HIP1: variants seen among roughly 807,000 people sequenced by gnomAD.
HIP1 encodes huntingtin-interacting protein 1.
In HIP1, 65 loss-of-function variants were observed where a neutral mutation model predicts 147.6. The ratio of observed to expected loss-of-function variants is 0.44; its 90% CI spans 0.36 to 0.54. The LOEUF is 0.54. Ranked by LOEUF, HIP1 falls within the 20% of genes least tolerant of loss-of-function variation. The pLI is 0.00. For synonymous variants in HIP1, 479 were observed against 504.0 expected, an observed-to-expected ratio of 0.95 and a Z score of 0.67; for missense variants, 1,061 against 1,299.6, an observed-to-expected ratio of 0.82 and a Z score of 2.82.
chr7:75,609,598 G>A (rs1238774297), intron 1 of HIP1, among the ~76,000 whole-genome samples: 1 of 148,826 alleles, frequency 6.7e-6, no homozygotes, highest in East Asian at 2.0e-4. Flanking sequence ...TTGCCCTGTC[G>A]CCAGGCTGCA....
chr7:75,539,242 G>T, intron 30 of HIP1, 81 bp downstream of exon 30: 1 of 983,912 alleles, frequency 1.0e-6, no homozygotes. Context: ...TCCTTGTTCT[G>T]TTCCATTCTA....
chr7:75,654,009 A>G (rs533312067), intron 1 of HIP1, among the ~76,000 whole-genome samples: 2 of 152,308 alleles, frequency 1.3e-5, no homozygotes, highest in East Asian at 3.9e-4. Context: ...TAGCAAAGGC[A>G]CTTACAGCCA....
intron 1 of HIP1, among the ~76,000 whole-genome samples, chr7:75,685,473 A>G (rs1031441729): frequency 1.3e-5 from 2 of 152,162 alleles, no homozygotes; most frequent in African/African-American, 4.8e-5. Context: ...GTCTTTGCCC[A>G]CTTTTCCACT....
chr7:75,605,365 G>T (rs185406804), intron 1 of HIP1, among the ~76,000 whole-genome samples: 1 of 152,308 alleles, frequency 6.6e-6, no homozygotes, highest in East Asian at 1.9e-4. Flanking sequence ...GGCCGGGGGG[G>T]ATGGAGGAGA....
intron 1 of HIP1, among the ~76,000 whole-genome samples, chr7:75,710,652 C>A (rs150193882): frequency 1.2e-4 from 18 of 152,188 alleles, no homozygotes; most frequent in African/African-American, 4.3e-4. Flanking sequence ...ACTTGGGAGG[C>A]TTAAGTGGGA....
chr7:75,736,040 G>A (rs1372157416), intron 1 of HIP1, among the ~76,000 whole-genome samples: 1 of 151,280 alleles, frequency 6.6e-6, no homozygotes, highest in Non-Finnish European at 1.5e-5. Flanking sequence ...GACCAGCCTG[G>A]GAAAACACAG....
chr7:75,569,549 C>G (rs1795531897), intron 8 of HIP1, among the ~76,000 whole-genome samples: 1 of 152,106 alleles, frequency 6.6e-6, no homozygotes, highest in African/African-American at 2.4e-5. Context: ...TTTGAGGCTG[C>G]AGTGAGCTAC....
chr7:75,721,329 G>A (rs1426221752), intron 1 of HIP1, among the ~76,000 whole-genome samples: 1 of 151,934 alleles, frequency 6.6e-6, no homozygotes, highest in African/African-American at 2.4e-5. Context: ...AGCCGAGATT[G>A]CACCACTGCA....
intron 8 of HIP1, among the ~76,000 whole-genome samples, chr7:75,572,656 C>T (rs1343864200): frequency 6.6e-6 from 1 of 152,212 alleles, no homozygotes; most frequent in Non-Finnish European, 1.5e-5. Flanking sequence ...AGAAGCCTCA[C>T]CCTGCTGGAT....
intron 1 of HIP1, among the ~76,000 whole-genome samples, chr7:75,703,609 A>AAAAAC (rs1563303161): frequency 6.6e-6 from 1 of 152,124 alleles, no homozygotes; most frequent in African/African-American, 2.4e-5. Context: ...TCTCAAAAAA[A>AAAAAC]AAAACAAAAC....
intron 30 of HIP1, among the ~76,000 whole-genome samples, chr7:75,538,462 C>T (rs1057107095): frequency 3.8e-4 from 58 of 151,844 alleles, no homozygotes; most frequent in Non-Finnish European, 6.0e-4. Context: ...TGACTGCTTT[C>T]GACATGCAGA....
intron 1 of HIP1, among the ~76,000 whole-genome samples, chr7:75,737,256 C>T (rs1386671969): frequency 6.6e-6 from 1 of 151,670 alleles, no homozygotes; most frequent in Non-Finnish European, 1.5e-5. Flanking sequence ...GAGACAGGGT[C>T]GCACTATGTT....
chr7:75,711,579 A>T (rs1403240090), intron 1 of HIP1, among the ~76,000 whole-genome samples: 1 of 152,184 alleles, frequency 6.6e-6, no homozygotes, highest in Non-Finnish European at 1.5e-5. Context: ...TGGAAGGGAC[A>T]TTTGAGATCA....
intron 1 of HIP1, among the ~76,000 whole-genome samples, chr7:75,657,841 C>G (rs1799190084): frequency 6.6e-6 from 1 of 151,950 alleles, no homozygotes; most frequent in Non-Finnish European, 1.5e-5. Context: ...TAGCATCACA[C>G]AATATATCCA....
intron 1 of HIP1, among the ~76,000 whole-genome samples, chr7:75,685,446 G>A (rs1429906521): frequency 2.0e-5 from 3 of 152,200 alleles, no homozygotes; most frequent in Non-Finnish European, 2.9e-5. Context: ...TTCCTCTTCC[G>A]TGAAATGCCT....
At chr7:75,720,642 C>G (rs782578319) in intron 1 of HIP1, among the ~76,000 whole-genome samples, 1 of 152,188 alleles carries the variant, frequency 6.6e-6, no homozygotes, top group Non-Finnish European at 1.5e-5. Context: ...CAGGTTTAGT[C>G]GTTTGGGGCA....
rs1350107017 is a variant in HIP1 at position 75,559,792 on chromosome 7, C to T, written c.1315G>A (p.Glu439Lys). ...DCEFLRAELD[E>K]LRRQREDTEK... ...GTGTCCTCCCGCTGCCTCCTGAGCT[C>T]GTCCAGTTCTGCCCGCAGGAATTCA... The change falls in exon 14 of 31, where the codon GAG (glutamate) becomes AAG (lysine). Residue 439 changes from glutamate to lysine, a missense_variant. Coordinates refer to ENST00000336926, the MANE Select transcript of HIP1 (RefSeq NM_005338.7). 6.2e-6 allele frequency: 10 copies of T among 1,611,734 alleles called. No homozygotes were observed. The highest frequency in any genetic ancestry group is 2.2e-5 in the East Asian group (1 of 44,762).
chr7:75,561,352 G>A lies in HIP1; in HGVS notation c.1168C>T (p.Gln390Ter). 6.2e-7 allele frequency: 1 copy of A among 1,612,550 alleles called. No individual in the cohort carries two copies. The highest frequency in any genetic ancestry group is 8.5e-7 in the Non-Finnish European group (1 of 1,178,552). The change falls in exon 13 of 31, where the codon CAG (glutamine) becomes TAG (stop). Residue 390 changes from glutamine (Q) to a stop codon, truncating the protein, a stop_gained. Transcript: ENST00000336926. LOFTEE classifies it high-confidence loss of function. ...LYREISGLKA[Q>*]LENMKTESQR... ...ACCTCAGTCTTCATGTTTTCTAGCT[G>A]TGCCTTCAATCCACTGATCTCTCTG...
intron 8 of HIP1, among the ~76,000 whole-genome samples, chr7:75,572,662 T>G (rs587605669): frequency 1.3e-5 from 2 of 152,300 alleles, no homozygotes; most frequent in African/African-American, 4.8e-5. Flanking sequence ...CTCACCCTGC[T>G]GGATGGGGCT....
Sources: gnomAD v4.1 joint callset for allele counts (sites outside exome capture counted in the v4.1 genomes callset) on GRCh38, gnomAD v4.1.1 for gene constraint, MANE v1.5 for transcripts, NCBI Gene and HGNC (gene_info 2026-07-23, HGNC 2026-07-21) for gene names.